SMARCB1: variants seen among roughly 807,000 people sequenced by gnomAD.
SMARCB1 encodes the protein SWI/SNF related BAF chromatin remodeling complex subunit B1.
A neutral mutation model predicts 49.0 loss-of-function variants in SMARCB1; 5 were observed. The ratio of observed to expected loss-of-function variants is 0.10; its 90% CI spans 0.05 to 0.21. SMARCB1 has a LOEUF of 0.21. Ranked by LOEUF, SMARCB1 falls within the 10% of genes least tolerant of loss-of-function variation. The probability of loss-of-function intolerance (pLI) is 1.00; values close to 1 mark genes in which losing one functional copy is unlikely to be tolerated. For missense variants in SMARCB1, 226 were observed against 509.2 expected (o/e 0.44, Z 5.35); for synonymous variants, 201 against 200.1 (o/e 1.00, Z -0.04).
At chr22:23,816,707 G>A in intron 5 of SMARCB1, 63 bp from the exon 6 acceptor site, 1 of 1,484,588 alleles carries the variant, frequency 6.7e-7, no homozygotes, top group Non-Finnish European at 9.4e-7. Context: ...AGGGGTGAGG[G>A]AGGCCGGTCC....
intron 3 of SMARCB1, among the ~76,000 whole-genome samples, chr22:23,795,703 A>G (rs888801210): frequency 1.3e-5 from 2 of 151,560 alleles, no homozygotes; most frequent in African/African-American, 4.8e-5. Flanking sequence ...AAATAAAAAT[A>G]AAAATTCCAA....
intron 1 of SMARCB1, among the ~76,000 whole-genome samples, chr22:23,788,817 G>A (rs1928180222): frequency 6.6e-6 from 1 of 152,100 alleles, no homozygotes; most frequent in South Asian, 2.1e-4. Flanking sequence ...TGAGACTAAG[G>A]TCAATAGCAT....
In SMARCB1 at chr22:23,835,494, G is replaced by A. The variant is rs758074140; in HGVS notation, c.*1314G>A. 22 of 985,572 alleles carry A rather than the reference G, an allele frequency of 2.2e-5. No individual in the cohort carries two copies. Among genetic ancestry groups the A allele is most frequent in the Middle Eastern group, 5.2e-4 (1 of 1,940 alleles). 61.1% of individuals were successfully genotyped at this position (985,572 alleles called of 1,614,324 possible). A position where few individuals can be genotyped will look rare whatever the true frequency, so the allele number is the denominator to read the frequency against. On this transcript the variant is annotated 3_prime_UTR_variant, in exon 9 of 9. Transcript: ENST00000644036. ...TGATTAGGGATTGGGGTTCTTGGTC[G>A]CTGAGATGTGAGAGGAGGGCTCCTT...
intron 3 of SMARCB1, among the ~76,000 whole-genome samples, chr22:23,794,347 T>C (rs1160103696): frequency 6.6e-6 from 1 of 152,236 alleles, no homozygotes; most frequent in Non-Finnish European, 1.5e-5. Flanking sequence ...CTAAGAAACG[T>C]AAGCCAAGTC....
intron 1 of SMARCB1, among the ~76,000 whole-genome samples, chr22:23,791,007 A>G (rs1928343659): frequency 6.6e-6 from 1 of 152,186 alleles, no homozygotes; most frequent in Non-Finnish European, 1.5e-5. Context: ...GAAAATGGGA[A>G]GTGATCCCAG....
At chr22:23,791,966 A>C (rs1263926035) in intron 2 of SMARCB1, 72 bp downstream of exon 2, 38 of 1,526,656 alleles carry the variant, frequency 2.5e-5, no homozygotes, top group Admixed American at 8.4e-5. Context: ...AAACGTTTTC[A>C]CTCCAGAGTG....
chr22:23,829,006 C>G (rs1435501567), intron 7 of SMARCB1, among the ~76,000 whole-genome samples: 1 of 152,146 alleles, frequency 6.6e-6, no homozygotes, highest in Non-Finnish European at 1.5e-5. Flanking sequence ...CAGAGTGACA[C>G]AGGCGTCCCA....
intron 5 of SMARCB1, among the ~76,000 whole-genome samples, chr22:23,812,526 A>G (rs1008557226): frequency 6.6e-6 from 1 of 152,196 alleles, no homozygotes; most frequent in African/African-American, 2.4e-5. Flanking sequence ...GTACCAAAAA[A>G]AGAAAAATAC....
intron 5 of SMARCB1, 115 bp downstream of exon 5, chr22:23,803,537 C>A: frequency 8.2e-7 from 1 of 1,225,188 alleles, no homozygotes; most frequent in Non-Finnish European, 1.2e-6. Flanking sequence ...ACACGCAGGA[C>A]ATCGGGGCAT....
Position 23,835,470 on chromosome 22 carries a change from G to C in SMARCB1, c.*1290G>C, listed in dbSNP as rs1294321880. On this transcript the variant is annotated 3_prime_UTR_variant, in exon 9 of 9. Transcript: ENST00000644036. ...CCATGTGGGGCAGAGGCAGAGCTCT[G>C]ATTAGGGATTGGGGTTCTTGGTCGC... 1 of 985,812 alleles carries C rather than the reference G, an allele frequency of 1.0e-6. No individual in the cohort carries two copies. The highest frequency in any genetic ancestry group is 1.2e-6 in the Non-Finnish European group (1 of 830,296). 61.1% of individuals were successfully genotyped at this position (985,812 alleles called of 1,614,324 possible).
Position 23,834,700 on chromosome 22 carries a change from C to A in SMARCB1, c.*520C>A. On this transcript the variant is annotated 3_prime_UTR_variant, in exon 9 of 9. Coordinates refer to ENST00000644036, the MANE Select transcript of SMARCB1 (RefSeq NM_003073.5). Reference sequence around the variant, plus strand: ...TGGGGCTCCGGGTAGCACCTCAGCTCCTCTCAGCTCCCCTCAGCCTGTTCT... The same window carrying A: ...TGGGGCTCCGGGTAGCACCTCAGCTACTCTCAGCTCCCCTCAGCCTGTTCT... The A allele has an allele frequency of 7.6e-7, 1 of 1,318,994 alleles. No individual in the cohort carries two copies. Among genetic ancestry groups the A allele is most frequent in the Non-Finnish European group, 1.0e-6 (1 of 980,290 alleles). The allele number at this position is 1,318,994 out of a possible 1,614,324, so 81.7% of individuals were successfully genotyped here.
At chr22:23,792,175 G>A (rs571976255) in intron 2 of SMARCB1, 7 of 442,838 alleles carry the variant, frequency 1.6e-5, no homozygotes, top group East Asian at 9.3e-5. Flanking sequence ...GTCTCAAAAC[G>A]TTTTAGGAAT....
At chr22:23,795,394 G>C (rs1256481979) in intron 3 of SMARCB1, among the ~76,000 whole-genome samples, 1 of 152,202 alleles carries the variant, frequency 6.6e-6, no homozygotes, top group Admixed American at 6.5e-5. Context: ...GGTGGCTCAC[G>C]CCTGTAATCC....
In SMARCB1 at chr22:23,833,619, A is replaced by G; in HGVS notation, c.1034A>G (p.Asp345Gly). The change falls in exon 8 of 9, where the codon GAT becomes GGT. Residue 345 changes from aspartate (D) to glycine (G), a missense_variant. Transcript: ENST00000644036. ...TVEIAIRNTG[D>G]ADQWCPLLET... ...GAGATTGCCATCCGGAACACGGGCGATGCGGACCAGTGGTGCCCACTGCTG... is the reference window on the plus strand; with the variant it reads ...GAGATTGCCATCCGGAACACGGGCGGTGCGGACCAGTGGTGCCCACTGCTG... The G allele has an allele frequency of 6.2e-7, 1 of 1,614,190 alleles. No homozygotes were observed. Among genetic ancestry groups the G allele is most frequent in the Non-Finnish European group, 8.5e-7 (1 of 1,180,022 alleles).
At position 23,834,122 on chromosome 22, in the gene SMARCB1, C is replaced by T. The variant is rs770226620; in HGVS notation, c.1119-19C>T. On this transcript the variant is annotated intron_variant, in intron 8 of 8. Transcript: ENST00000644036. ...TGGGAGCTGGCCCCGACTCATTGCC[C>T]TCCCCACTCCTCTTCCAGGCGGATG... 2.5e-6 allele frequency: 4 copies of T among 1,579,168 alleles called. No homozygotes were observed. The highest frequency in any genetic ancestry group is 1.8e-5 in the Admixed American group (1 of 56,292).
chr22:23,803,271 CTG>C (rs1568943110), intron 4 of SMARCB1, 22 bp from the exon 5 acceptor site: 1 of 1,614,094 alleles, frequency 6.2e-7, no homozygotes, highest in East Asian at 2.2e-5. Flanking sequence ...CCCTCGCTGA[CTG>C]TTGCTTCCAT....
At chr22:23,831,167 T>A (rs36042222) in intron 7 of SMARCB1, among the ~76,000 whole-genome samples, 10 of 152,170 alleles carry the variant, frequency 6.6e-5, no homozygotes. Flanking sequence ...CACCAAGTTT[T>A]GGCATCTCCC....
At position 23,834,783 on chromosome 22, in the gene SMARCB1, C is replaced by A; in HGVS notation, c.*603C>A. Reference sequence around the variant, plus strand: ...TGTGAGGCTCAGGGCAAGAGGCTCTCTGCCTTTCAGGAACAGCCCTAACCC... The same window carrying A: ...TGTGAGGCTCAGGGCAAGAGGCTCTATGCCTTTCAGGAACAGCCCTAACCC... On this transcript the variant is annotated 3_prime_UTR_variant, in exon 9 of 9. Coordinates refer to ENST00000644036, the MANE Select transcript of SMARCB1 (RefSeq NM_003073.5). The A allele has an allele frequency of 6.3e-7, 1 of 1,578,820 alleles. No homozygotes were observed. Among genetic ancestry groups the A allele is most frequent in the Non-Finnish European group, 8.6e-7 (1 of 1,163,924 alleles).
chr22:23,813,020 C>T (rs1156723586), intron 5 of SMARCB1, among the ~76,000 whole-genome samples: 1 of 152,140 alleles, frequency 6.6e-6, no homozygotes, highest in African/African-American at 2.4e-5. Flanking sequence ...GCCCTGCCAC[C>T]ACACCCAGCT....
Sources: gnomAD v4.1 joint callset for allele counts (sites outside exome capture counted in the v4.1 genomes callset) on GRCh38, gnomAD v4.1.1 for gene constraint, MANE v1.5 for transcripts, NCBI Gene and HGNC (gene_info 2026-07-23, HGNC 2026-07-21) for gene names.